CNTNAP2: variants seen among roughly 807,000 people sequenced by gnomAD.
The protein encoded by CNTNAP2 is contactin associated protein 2.
A neutral mutation model predicts 155.2 loss-of-function variants in CNTNAP2; 98 were observed. The observed-to-expected ratio is 0.63, with a 90% CI of 0.54 to 0.75. The LOEUF (loss-of-function observed/expected upper bound fraction) is 0.75, where lower values mean the gene tolerates loss of function less well. CNTNAP2 is among the 30% of genes least tolerant of loss of function. The pLI is 0.00. For missense variants in CNTNAP2, 1,727 were observed against 1,688.1 expected (o/e 1.02, Z -0.40); for synonymous variants, 651 against 631.2 (o/e 1.03, Z -0.47).
intron 4 of CNTNAP2, among the ~76,000 whole-genome samples, chr7:147,062,769 A>G (rs1799707654): frequency 6.6e-6 from 1 of 152,148 alleles, no homozygotes; most frequent in South Asian, 2.1e-4. Flanking sequence ...AACTGTTTGT[A>G]CTTCCTATAT....
rs1380511740 is a variant in CNTNAP2, at chr7:147,242,347, C to T, written c.1349-57794C>T. On this transcript the variant is annotated intron_variant, in intron 8 of 23. Transcript: ENST00000361727. ...TGCCAAGTTTAGACTACATTAAGGA[C>T]AAATATCATTGCTGTAGTCCATGCA... Among the ~76,000 whole-genome samples the T allele has an allele frequency of 3.9e-5, 6 of 152,278 alleles. 1 individual carries two copies. Among genetic ancestry groups the T allele is most frequent in the Admixed American group, 3.9e-4 (6 of 15,294 alleles).
At chr7:147,545,080 A>G (rs562910511) in intron 11 of CNTNAP2, among the ~76,000 whole-genome samples, 5 of 152,298 alleles carry the variant, frequency 3.3e-5, no homozygotes, top group Admixed American at 6.5e-5. Context: ...GACAGAAAAT[A>G]TATTTTATGA....
At chr7:148,395,874 T>C (rs1320868831) in intron 22 of CNTNAP2, among the ~76,000 whole-genome samples, 2 of 152,186 alleles carry the variant, frequency 1.3e-5, no homozygotes, top group African/African-American at 2.4e-5. Flanking sequence ...TCCAAGGTCA[T>C]TGTTTTTTCC....
chr7:147,043,044 GTTTC>G (rs1222763440), intron 3 of CNTNAP2, among the ~76,000 whole-genome samples: 2 of 151,902 alleles, frequency 1.3e-5, no homozygotes, highest in Non-Finnish European at 2.9e-5. Context: ...AAATATAATA[GTTTC>G]TTTCTTTAAA....
intron 14 of CNTNAP2, among the ~76,000 whole-genome samples, chr7:147,960,379 T>G (rs994117838): frequency 1.3e-5 from 2 of 152,090 alleles, no homozygotes; most frequent in African/African-American, 4.8e-5. Flanking sequence ...GCAAAGGAAC[T>G]CAATAAATGG....
intron 13 of CNTNAP2, among the ~76,000 whole-genome samples, chr7:147,671,299 G>A (rs1795783172): frequency 6.6e-6 from 1 of 152,202 alleles, no homozygotes; most frequent in East Asian, 1.9e-4. Context: ...ACTTCCATAT[G>A]GAGCTAGTGC....
At chr7:147,469,010 A>G (rs984871722) in intron 10 of CNTNAP2, among the ~76,000 whole-genome samples, 17 of 152,118 alleles carry the variant, frequency 1.1e-4, no homozygotes, top group African/African-American at 3.4e-4. Flanking sequence ...TTTAGTAGAG[A>G]TGGGGTTTCA....
At position 146,234,972 on chromosome 7, in the gene CNTNAP2, G is replaced by A. The variant is rs73455864; in HGVS notation, c.97+117999G>A. 9.2e-3 allele frequency among the ~76,000 whole-genome samples: 1,397 copies of A among 152,154 alleles called. 23 individuals carry two copies. Among genetic ancestry groups the A allele is most frequent in the African/African-American group, 0.03 (1,237 of 41,520 alleles). Reference sequence around the variant, plus strand: ...ATTTATTCCTTGGAGAGGTGGATCCGTACACAATAAGCATTTGCAAACACC... The same window carrying A: ...ATTTATTCCTTGGAGAGGTGGATCCATACACAATAAGCATTTGCAAACACC... On this transcript the variant is annotated intron_variant, in intron 1 of 23. Transcript: ENST00000361727.
chr7:146,764,523 G>T (rs1802162183), intron 1 of CNTNAP2, among the ~76,000 whole-genome samples: 1 of 149,426 alleles, frequency 6.7e-6, no homozygotes. Flanking sequence ...GGAGTCAAAA[G>T]CTTAATTTAA....
intron 15 of CNTNAP2, among the ~76,000 whole-genome samples, chr7:148,033,088 G>A (rs76240431): frequency 0.012 from 1,816 of 152,154 alleles, 35 homozygotes; most frequent in African/African-American, 0.041. Flanking sequence ...CACACCTAGC[G>A]AGGGCTCATA....
intron 2 of CNTNAP2, among the ~76,000 whole-genome samples, chr7:146,775,060 A>G (rs1409690235): frequency 1.3e-5 from 2 of 152,210 alleles, no homozygotes; most frequent in African/African-American, 4.8e-5. Flanking sequence ...TTAAAAAGGA[A>G]AGAAACAATA....
At chr7:147,493,989 C>A (rs553538500) in intron 11 of CNTNAP2, among the ~76,000 whole-genome samples, 2 of 152,200 alleles carry the variant, frequency 1.3e-5, no homozygotes, top group East Asian at 1.9e-4. Flanking sequence ...TGTTAATAAG[C>A]CCTTGCTCAG....
chr7:147,644,427 C>T (rs1336204650), intron 13 of CNTNAP2, among the ~76,000 whole-genome samples: 3 of 152,118 alleles, frequency 2.0e-5, no homozygotes, highest in Admixed American at 1.3e-4. Context: ...TCAAGACCAG[C>T]CTGGCCAACA....
chr7:147,696,665 A>G (rs1796166345), intron 13 of CNTNAP2, among the ~76,000 whole-genome samples: 1 of 152,046 alleles, frequency 6.6e-6, no homozygotes, highest in African/African-American at 2.4e-5. Flanking sequence ...AACTTCATTT[A>G]ACATTTTTTT....
chr7:146,468,274 C>T (rs182861735), intron 1 of CNTNAP2, among the ~76,000 whole-genome samples: 28 of 152,086 alleles, frequency 1.8e-4, no homozygotes, highest in African/African-American at 6.0e-4. Context: ...AATAAAGTGA[C>T]GACTACTAGA....
intron 1 of CNTNAP2, among the ~76,000 whole-genome samples, chr7:146,215,843 C>A (rs534028007): frequency 6.6e-6 from 1 of 152,226 alleles, no homozygotes; most frequent in South Asian, 2.1e-4. Context: ...CGGCTGATAT[C>A]GCATTTGCTT....
chr7:148,279,226 C>A (rs897987848), intron 21 of CNTNAP2, among the ~76,000 whole-genome samples: 1 of 152,100 alleles, frequency 6.6e-6, no homozygotes, highest in South Asian at 2.1e-4. Context: ...AAGGGGTGGG[C>A]TGATATAGGG....
chr7:147,020,092 A>T (rs550884360), intron 3 of CNTNAP2, among the ~76,000 whole-genome samples: 54 of 152,220 alleles, frequency 3.5e-4, no homozygotes, highest in African/African-American at 1.3e-3. Flanking sequence ...TGTAGTATAG[A>T]TGAAATACAT....
intron 1 of CNTNAP2, among the ~76,000 whole-genome samples, chr7:146,707,500 T>C (rs1554470502): frequency 3.3e-5 from 5 of 152,178 alleles, no homozygotes; most frequent in Non-Finnish European, 7.3e-5. Flanking sequence ...GGATTTTTTT[T>C]GTGGTTCTCT....
Sources: gnomAD v4.1 joint callset for allele counts (sites outside exome capture counted in the v4.1 genomes callset) on GRCh38, gnomAD v4.1.1 for gene constraint, MANE v1.5 for transcripts, NCBI Gene and HGNC (gene_info 2026-07-23, HGNC 2026-07-21) for gene names.